Variants in KIF3A observed in about 807,000 individuals in gnomAD.
KIF3A encodes kinesin-like protein KIF3A.
In KIF3A, 27 loss-of-function variants were observed where a neutral mutation model predicts 92.6. That is an observed-to-expected ratio of 0.29 (90% confidence interval 0.21 to 0.40). The LOEUF (loss-of-function observed/expected upper bound fraction) is 0.40. Ranked by LOEUF, KIF3A falls within the 10% of genes least tolerant of loss-of-function variation. The pLI is 1.00. For missense variants in KIF3A, 581 were observed against 872.6 expected (o/e 0.67, Z 4.21); for synonymous variants, 250 against 275.4 (o/e 0.91, Z 0.92).
downstream of KIF3A, among the ~76,000 whole-genome samples, chr5:132,692,273 G>A (rs576908480): frequency 6.6e-6 from 1 of 152,316 alleles, no homozygotes; most frequent in South Asian, 2.1e-4. Flanking sequence ...TACTTGAGGG[G>A]AGAGGATGAG....
chr5:132,709,751 TC>T (rs1008423342), intron 9 of KIF3A, among the ~76,000 whole-genome samples: 1 of 152,230 alleles, frequency 6.6e-6, no homozygotes, highest in African/African-American at 2.4e-5. Context: ...CCATACGGCT[TC>T]ATGTGAAAGC....
At chr5:132,718,457 G>A (rs780296605) in intron 5 of KIF3A, among the ~76,000 whole-genome samples, 24 of 151,734 alleles carry the variant, frequency 1.6e-4, no homozygotes, top group Middle Eastern at 3.2e-3. Context: ...TCACAGGTGC[G>A]CACCACCACG....
intron 4 of KIF3A, among the ~76,000 whole-genome samples, chr5:132,724,639 G>A (rs1372433281): frequency 6.6e-6 from 1 of 151,406 alleles, no homozygotes; most frequent in Non-Finnish European, 1.5e-5. Flanking sequence ...ACCGGGGCCT[G>A]TTGTGGGGTG....
In KIF3A at chr5:132,692,832, T is replaced by A. The variant is rs1345587191; in HGVS notation, c.*3802A>T. Reference sequence around the variant, plus strand: ...CTACTGAAGTTATTCATTAAATTAGTCAGACTACAGTATAAGTTCAAAGGC... The same window carrying A: ...CTACTGAAGTTATTCATTAAATTAGACAGACTACAGTATAAGTTCAAAGGC... On this transcript the variant is annotated 3_prime_UTR_variant, in exon 19 of 19. Transcript: ENST00000403231. 3.9e-5 allele frequency: 6 copies of A among 152,744 alleles called. No individual in the cohort carries two copies. Among genetic ancestry groups the A allele is most frequent in the African/African-American group, 1.2e-4 (5 of 41,458 alleles). The allele number at this position is 152,744 out of a possible 1,614,324, so 9.5% of individuals were successfully genotyped here. A position where few individuals can be genotyped will look rare whatever the true frequency, so the allele number is the denominator to read the frequency against.
chr5:132,733,089 T>C (rs546102597), intron 2 of KIF3A, among the ~76,000 whole-genome samples: 3 of 152,072 alleles, frequency 2.0e-5, no homozygotes, highest in Non-Finnish European at 4.4e-5. Flanking sequence ...AGTAAATTAG[T>C]AGTTGCTGGG....
chr5:132,720,230 T>C (rs1174520529), intron 5 of KIF3A, among the ~76,000 whole-genome samples: 3 of 152,262 alleles, frequency 2.0e-5, no homozygotes, highest in Non-Finnish European at 4.4e-5. Context: ...TCTTCATTCA[T>C]AAAGTAAGAA....
At chr5:132,719,060 A>G (rs1034549088) in intron 5 of KIF3A, among the ~76,000 whole-genome samples, 1 of 97,496 alleles carries the variant, frequency 1.0e-5, no homozygotes, top group Non-Finnish European at 3.1e-5. Flanking sequence ...CTAAAATTAG[A>G]AACACAGAGT....
downstream of KIF3A, among the ~76,000 whole-genome samples, chr5:132,690,198 AGAGT>A (rs1397240618): frequency 2.0e-5 from 3 of 152,222 alleles, no homozygotes; most frequent in African/African-American, 7.2e-5. Context: ...CCTGGGCAAC[AGAGT>A]GAGACTCTGT....
chr5:132,708,276 C>T (rs1753291338), intron 10 of KIF3A, among the ~76,000 whole-genome samples: 5 of 138,070 alleles, frequency 3.6e-5, no homozygotes, highest in South Asian at 2.2e-4. Context: ...AGCAAGACTC[C>T]GTCTCAAAAA....
chr5:132,710,920 A>G (rs778108198), intron 9 of KIF3A, 39 bp downstream of exon 9: 4 of 1,613,408 alleles, frequency 2.5e-6, no homozygotes, highest in African/African-American at 1.3e-5. Context: ...TTGTGAAACC[A>G]CCTAATTTCT....
chr5:132,733,242 G>A (rs190076973), intron 2 of KIF3A, among the ~76,000 whole-genome samples: 33 of 152,242 alleles, frequency 2.2e-4, no homozygotes, highest in Admixed American at 2.0e-3. Flanking sequence ...GAACTATAAA[G>A]TGTAAAATGG....
intron 10 of KIF3A, among the ~76,000 whole-genome samples, chr5:132,707,637 T>G (rs1050325886): frequency 2.6e-5 from 4 of 152,214 alleles, no homozygotes; most frequent in Non-Finnish European, 4.4e-5. Flanking sequence ...TGAAATGAAT[T>G]GTTTTGGTAA....
Position 132,720,617 on chromosome 5 carries a change from T to A in KIF3A, c.608A>T (p.His203Leu). 1 of 1,600,146 alleles carries A rather than the reference T, an allele frequency of 6.2e-7. No homozygotes were observed. Among genetic ancestry groups the A allele is most frequent in the Non-Finnish European group, 8.5e-7 (1 of 1,171,016 alleles). ...DDMDRIMTLGHKNRSVGATNM... is the reference protein window; with the variant it reads ...DDMDRIMTLGLKNRSVGATNM... ...TTACACACTATACTTACGATTTTTG[T>A]GGCCTAGCGTCATAATTCTATCCAT... The change falls in exon 5 of 19, where the codon CAC becomes CTC. Residue 203 changes from histidine to leucine, a missense_variant. By Grantham distance (99) the His-to-Leu change is moderately conservative (BLOSUM62 -3). Around this residue, in one of 5 missense-constraint regions of KIF3A, gnomAD observed 217 missense variants for 299.7 expected, o/e 0.72. Transcript: ENST00000403231.
intron 10 of KIF3A, 49 bp from the exon 11 acceptor site, chr5:132,706,508 C>G: frequency 6.7e-7 from 1 of 1,493,248 alleles, no homozygotes; most frequent in Non-Finnish European, 9.0e-7. Flanking sequence ...GCAATACGCA[C>G]AGAGATGAGG....
chr5:132,734,145 T>C (rs1754318278), intron 2 of KIF3A, 60 bp downstream of exon 2: 1 of 1,327,528 alleles, frequency 7.5e-7, no homozygotes, highest in African/African-American at 1.5e-5. Flanking sequence ...ATATGTGAAT[T>C]TATGGCACAG....
rs140004274 is a variant in KIF3A at position 132,734,905 on chromosome 5, G to A, written c.7-427C>T. 1.2e-3 allele frequency among the ~76,000 whole-genome samples: 181 copies of A among 152,184 alleles called. 2 individuals are homozygous for A. Among genetic ancestry groups the A allele is most frequent in the Middle Eastern group, 0.01 (3 of 294 alleles). The stretch of plus-strand genomic sequence containing the variant: ...AGACTTTAGTTTTATTTCCTATCAC[G>A]CATCTGTAAAATGGTTTTTATCATG... On this transcript the variant is annotated intron_variant, in intron 1 of 18. Transcript: ENST00000403231.
At chr5:132,692,576 G>C (rs979004553), downstream of KIF3A, 27 of 152,190 alleles carry the variant, frequency 1.8e-4, no homozygotes, top group African/African-American at 6.5e-4. Flanking sequence ...TTAATATCAG[G>C]GTGGAAGTAA....
At position 132,702,951 on chromosome 5, in the gene KIF3A, A is replaced by C. The variant is rs1482512130; in HGVS notation, c.1581T>G (p.Ser527=). Residue 527 remains serine, a synonymous_variant, in exon 13 of 19, where the codon TCT becomes TCG. Coordinates refer to ENST00000403231, the MANE Select transcript of KIF3A (RefSeq NM_001300791.2). Reference sequence around the variant, plus strand: ...TCCTCCTTTCTTCCAGTTCCATGTTAGATTCTTCAAGAAGTTTCTCTTGTT... The same window carrying C: ...TCCTCCTTTCTTCCAGTTCCATGTTCGATTCTTCAAGAAGTTTCTCTTGTT... The part of the protein sequence containing the change: ...AEEQEKLLEE[S]NMELEERRKR... 14 of 1,613,392 alleles carry C rather than the reference A, an allele frequency of 8.7e-6. No individual in the cohort carries two copies. The highest frequency in any genetic ancestry group is 1.1e-5 in the Non-Finnish European group (13 of 1,179,802).
intron 11 of KIF3A, among the ~76,000 whole-genome samples, chr5:132,706,072 G>A (rs1012853289): frequency 3.3e-5 from 5 of 151,986 alleles, no homozygotes; most frequent in Admixed American, 6.6e-5. Flanking sequence ...TATTGTGAAC[G>A]TTAACCGGCC....
Sources: allele counts gnomAD v4.1 joint callset (sites outside exome capture counted in the v4.1 genomes callset), GRCh38; gene constraint gnomAD v4.1.1; regional missense constraint gnomAD v4.1.1; transcripts MANE v1.5; gene names NCBI Gene and HGNC (gene_info 2026-07-23, HGNC 2026-07-21).